The following PRICKLE2 variants were observed in gnomAD, a reference collection of about 807,000 sequenced individuals.
The protein encoded by PRICKLE2 is prickle planar cell polarity protein 2.
PRICKLE2 carries 21 observed loss-of-function variants against 81.4 expected under a neutral mutation model. The ratio of observed to expected loss-of-function variants is 0.26; its 90% CI spans 0.18 to 0.37. The LOEUF (loss-of-function observed/expected upper bound fraction) is 0.37. PRICKLE2 is among the 10% of genes least tolerant of loss of function. The pLI, the probability that PRICKLE2 is intolerant of heterozygous loss-of-function variation, is 1.00. For synonymous variants in PRICKLE2, 456 were observed against 421.5 expected (o/e 1.08, Z -1.00); for missense variants, 940 against 1,109.0 (o/e 0.85, Z 2.16).
In PRICKLE2 at chr3:64,225,333, A is replaced by G. The variant is rs923295077; in HGVS notation, c.-464T>C. On this transcript the variant is annotated 5_prime_UTR_variant, in exon 1 of 8. Coordinates refer to ENST00000638394, the MANE Select transcript of PRICKLE2 (RefSeq NM_198859.4). ...AGCCCAGCGTCACCAGCTGATCCTG[A>G]GCCAGACCCGGGGTGACTAGTCAGC... is the stretch of plus-strand genomic sequence containing the variant. 2 of 985,304 alleles carry G rather than the reference A, an allele frequency of 2.0e-6. No homozygotes were observed. Among genetic ancestry groups the G allele is most frequent in the African/African-American group, 3.5e-5 (2 of 57,238 alleles). 61.0% of individuals were successfully genotyped at this position (985,304 alleles called of 1,614,324 possible).
At chr3:64,247,199 G>A (rs1033301487) in intron 2 of PRICKLE2, among the ~76,000 whole-genome samples, 11 of 152,014 alleles carry the variant, frequency 7.2e-5, no homozygotes, top group African/African-American at 1.7e-4. Flanking sequence ...CTGAATAGAC[G>A]ACACATTTTA....
chr3:64,206,318 C>T (rs777939547), intron 1 of PRICKLE2, among the ~76,000 whole-genome samples: 4 of 152,086 alleles, frequency 2.6e-5, no homozygotes, highest in Admixed American at 6.5e-5. Flanking sequence ...AAAGGAGTGC[C>T]GTAGAGTGTG....
At position 64,225,313 on chromosome 3, in the gene PRICKLE2, A is replaced by G. The variant is rs1446305767; in HGVS notation, c.-444T>C. On this transcript the variant is annotated 5_prime_UTR_variant, in exon 1 of 8. Coordinates refer to ENST00000638394, the MANE Select transcript of PRICKLE2 (RefSeq NM_198859.4). ...AGGAAGAAGTCATAGACTCCAGCCC[A>G]GCGTCACCAGCTGATCCTGAGCCAG... The G allele has an allele frequency of 1.8e-5, 18 of 985,344 alleles. No individual in the cohort carries two copies. The highest frequency in any genetic ancestry group is 1.6e-5 in the Non-Finnish European group (13 of 829,988). The allele number at this position is 985,344 out of a possible 1,614,324, so 61.0% of individuals were successfully genotyped here.
At chr3:64,185,978 A>C (rs1191696216) in intron 2 of PRICKLE2, among the ~76,000 whole-genome samples, 2 of 152,158 alleles carry the variant, frequency 1.3e-5, no homozygotes, top group African/African-American at 4.8e-5. Context: ...GCTTTCTGTC[A>C]CTACAGATTA....
At chr3:64,184,642 A>T (rs1299043162) in intron 2 of PRICKLE2, among the ~76,000 whole-genome samples, 2 of 56,186 alleles carry the variant, frequency 3.6e-5, no homozygotes, top group Non-Finnish European at 5.0e-5. Context: ...TGACTGATTT[A>T]AAAAAAAAAA....
intron 7 of PRICKLE2, among the ~76,000 whole-genome samples, chr3:64,121,806 T>C (rs2106968847): frequency 6.6e-6 from 1 of 152,264 alleles, no homozygotes; most frequent in African/African-American, 2.4e-5. Flanking sequence ...GTGTTGTATA[T>C]TTGCTATAAA....
chr3:64,121,586 T>G (rs1359101936), intron 7 of PRICKLE2, among the ~76,000 whole-genome samples: 1 of 151,954 alleles, frequency 6.6e-6, no homozygotes, highest in Non-Finnish European at 1.5e-5. Flanking sequence ...TATTTACAAA[T>G]TGTATTCTTT....
Position 64,099,377 on chromosome 3 carries a change from C to T in PRICKLE2, c.2209G>A (p.Gly737Arg). 1 of 1,609,394 alleles carries T rather than the reference C, an allele frequency of 6.2e-7. No homozygotes were observed. The highest frequency in any genetic ancestry group is 8.5e-7 in the Non-Finnish European group (1 of 1,176,372). The part of the protein sequence containing the change: ...MRQRSFQESM[G>R]HGSRRDLYGQ... Reference sequence around the variant, plus strand: ...TACAGGTCCCTCCGGGACCCATGCCCCATGCTCTCCTGGAAGCTCCGCTGG... The same window carrying T: ...TACAGGTCCCTCCGGGACCCATGCCTCATGCTCTCCTGGAAGCTCCGCTGG... The change falls in exon 8 of 8, where the codon GGG (glycine) becomes AGG (arginine). Residue 737 changes from glycine (G) to arginine (R), a missense_variant. By Grantham distance (125) the Gly-to-Arg change is moderately radical. Coordinates refer to ENST00000638394, the MANE Select transcript of PRICKLE2 (RefSeq NM_198859.4). The surrounding 1 kb of genome is among the most constrained non-coding windows in gnomAD (Gnocchi z 4.3).
chr3:64,103,798 G>T (rs569695565), intron 7 of PRICKLE2, among the ~76,000 whole-genome samples: 3 of 152,144 alleles, frequency 2.0e-5, no homozygotes, highest in Admixed American at 2.0e-4. Context: ...TGGGCAACAT[G>T]GTGAAACCCT....
intron 2 of PRICKLE2, among the ~76,000 whole-genome samples, chr3:64,258,853 G>GAAAGAAAGAAAGAAAGAAAGAAAGAA (rs2079571449): frequency 8.3e-6 from 1 of 120,440 alleles, no homozygotes; most frequent in African/African-American, 3.4e-5. Flanking sequence ...AAAAAAGAAA[G>GAAAGAAAGAAAGAAAGAAAGAAAGAA]AAAGAAAGAA....
intron 3 of PRICKLE2, 77 bp downstream of exon 3, chr3:64,162,939 G>T: frequency 1.1e-6 from 1 of 940,970 alleles, no homozygotes; most frequent in Non-Finnish European, 1.8e-6. Flanking sequence ...TACCTCATTG[G>T]TGGCAGATTA....
intron 7 of PRICKLE2, among the ~76,000 whole-genome samples, chr3:64,140,241 G>A (rs1354149474): frequency 6.6e-6 from 1 of 152,168 alleles, no homozygotes; most frequent in Non-Finnish European, 1.5e-5. Flanking sequence ...AGGTCACAGA[G>A]CTATTAAACT....
chr3:64,159,945 C>T lies in PRICKLE2; in HGVS notation c.391G>A (p.Glu131Lys), dbSNP rs1334482107. 6.2e-7 allele frequency: 1 copy of T among 1,614,146 alleles called. No individual in the cohort carries two copies. Among genetic ancestry groups the T allele is most frequent in the Non-Finnish European group, 8.5e-7 (1 of 1,180,016 alleles). The stretch of plus-strand genomic sequence containing the variant: ...TCCCCTGAATCCATGCTTACCTGTT[C>T]ACAAATAGCTCCTGTCATGGTGACT... ...FPVTMTGAIC[E>K]QCGGQINGGD... Residue 131 changes from glutamate (E) to lysine (K), a missense_variant, in exon 4 of 8, where the codon GAA becomes AAA. By Grantham distance (56) the Glu-to-Lys change is moderately conservative. Transcript: ENST00000638394.
chr3:64,233,530 A>G (rs2079135864), intron 2 of PRICKLE2, among the ~76,000 whole-genome samples: 1 of 152,206 alleles, frequency 6.6e-6, no homozygotes, highest in Non-Finnish European at 1.5e-5. Flanking sequence ...TTCCTCCTGC[A>G]GAAAGTCATG....
intron 2 of PRICKLE2, among the ~76,000 whole-genome samples, chr3:64,192,388 A>G (rs1418634821): frequency 2.6e-5 from 4 of 152,216 alleles, no homozygotes; most frequent in Non-Finnish European, 4.4e-5. Context: ...TATACCAATA[A>G]GTATCTAATT....
At chr3:64,211,295 T>A (rs1282216284) in intron 1 of PRICKLE2, among the ~76,000 whole-genome samples, 5 of 152,076 alleles carry the variant, frequency 3.3e-5, no homozygotes, top group African/African-American at 9.7e-5. Flanking sequence ...TCACTGAAAA[T>A]TTACTGTGTA....
intron 2 of PRICKLE2, among the ~76,000 whole-genome samples, chr3:64,176,020 A>C (rs1028883137): frequency 6.6e-6 from 1 of 152,190 alleles, no homozygotes; most frequent in African/African-American, 2.4e-5. Flanking sequence ...TCTATGCTCA[A>C]AACTGCAAAA....
At chr3:64,118,930 A>G (rs1256141063) in intron 7 of PRICKLE2, among the ~76,000 whole-genome samples, 1 of 152,084 alleles carries the variant, frequency 6.6e-6, no homozygotes, top group East Asian at 1.9e-4. Context: ...GTTTATGTCT[A>G]TTGAGCACTA....
chr3:64,119,819 A>T (rs11707494), intron 7 of PRICKLE2, among the ~76,000 whole-genome samples: 1 of 152,162 alleles, frequency 6.6e-6, no homozygotes. Context: ...ATGCTCATCA[A>T]TGGTGGACTG....
Sources: gnomAD v4.1 joint callset for allele counts (sites outside exome capture counted in the v4.1 genomes callset) on GRCh38, gnomAD v4.1.1 for gene constraint, Gnocchi (gnomAD v3.1) non-coding constraint, MANE v1.5 for transcripts, NCBI Gene and HGNC (gene_info 2026-07-23, HGNC 2026-07-21) for gene names.